The following PIWIL4 variants were observed in gnomAD, a reference collection of about 807,000 sequenced individuals.
PIWIL4 encodes the protein piwi like RNA-mediated gene silencing 4, also known as piwi-like protein 4.
Under a neutral mutation model 100.9 loss-of-function variants are expected in PIWIL4, and 50 were observed. The observed-to-expected ratio is 0.50, with a 90% CI of 0.39 to 0.63. The LOEUF (loss-of-function observed/expected upper bound fraction) is 0.63. Ranked by LOEUF, PIWIL4 falls within the 20% of genes least tolerant of loss-of-function variation. The pLI is 0.00. For synonymous variants in PIWIL4, 342 were observed against 367.5 expected (o/e 0.93, Z 0.79); for missense variants, 887 against 1,043.3 (o/e 0.85, Z 2.06).
chr11:94,605,505 G>A lies in PIWIL4; in HGVS notation c.1638+1449G>A, dbSNP rs573868488. On this transcript the variant is annotated intron_variant, in intron 13 of 19. Transcript: ENST00000299001. ...TGGTGGATTATGGTGACATCTGCCCGATTTCTCCACTGTAAAGTTAAGCTT... is the reference window on the plus strand; with the variant it reads ...TGGTGGATTATGGTGACATCTGCCCAATTTCTCCACTGTAAAGTTAAGCTT... Among the ~76,000 whole-genome samples the A allele has an allele frequency of 5.3e-5, 8 of 152,250 alleles. No homozygotes were observed. The East Asian group carries it at 1.2e-3, about 22-fold the overall frequency.
chr11:94,607,161 G>A (rs1948731720), intron 13 of PIWIL4, among the ~76,000 whole-genome samples: 1 of 152,110 alleles, frequency 6.6e-6, no homozygotes, highest in Non-Finnish European at 1.5e-5. Flanking sequence ...ATCAAATCAG[G>A]AGAGAAATGA....
intron 2 of PIWIL4, among the ~76,000 whole-genome samples, chr11:94,573,643 T>C (rs759319565): frequency 3.3e-5 from 5 of 152,232 alleles, no homozygotes; most frequent in Non-Finnish European, 7.3e-5. Context: ...TGAAGCCAAC[T>C]TGATCGTGGT....
intron 9 of PIWIL4, among the ~76,000 whole-genome samples, chr11:94,594,248 C>T (rs1948524087): frequency 6.6e-6 from 1 of 152,016 alleles, no homozygotes. Context: ...GGGCGGATCA[C>T]CTGAAGTCAG....
chr11:94,582,237 T>C (rs1175008808), intron 4 of PIWIL4, among the ~76,000 whole-genome samples: 1 of 152,114 alleles, frequency 6.6e-6, no homozygotes, highest in Non-Finnish European at 1.5e-5. Flanking sequence ...CTTTGTTGTC[T>C]TAATCCTTTG....
At chr11:94,575,618 C>T (rs966499151) in intron 3 of PIWIL4, among the ~76,000 whole-genome samples, 2 of 152,142 alleles carry the variant, frequency 1.3e-5, no homozygotes, top group Non-Finnish European at 2.9e-5. Flanking sequence ...CTCACTGATG[C>T]GGATCAGTGT....
intron 4 of PIWIL4, among the ~76,000 whole-genome samples, chr11:94,582,009 A>C (rs567166355): frequency 4.8e-4 from 73 of 152,270 alleles, no homozygotes; most frequent in African/African-American, 1.7e-3. Flanking sequence ...TGAATTGAGG[A>C]GGAGAAATGA....
chr11:94,612,351 T>C (rs555681713), intron 15 of PIWIL4, among the ~76,000 whole-genome samples: 1 of 151,220 alleles, frequency 6.6e-6, no homozygotes, highest in Non-Finnish European at 1.5e-5. Flanking sequence ...CTATTTTGCC[T>C]AAGTTTAGCT....
At chr11:94,615,109 C>T (rs893551753) in intron 15 of PIWIL4, among the ~76,000 whole-genome samples, 5 of 152,138 alleles carry the variant, frequency 3.3e-5, no homozygotes, top group South Asian at 2.1e-4. Context: ...AGGAGGGCCT[C>T]TTGATGAAGC....
intron 15 of PIWIL4, among the ~76,000 whole-genome samples, chr11:94,615,645 G>C (rs1284526364): frequency 6.6e-6 from 1 of 152,090 alleles, no homozygotes; most frequent in Non-Finnish European, 1.5e-5. Flanking sequence ...AAAATGTTTA[G>C]AGATGGGGTC....
intron 16 of PIWIL4, 99 bp downstream of exon 16, chr11:94,616,662 T>A (rs1948850884): frequency 1.2e-6 from 1 of 862,368 alleles, no homozygotes; most frequent in African/African-American, 1.7e-5. Flanking sequence ...GAGCAAACTC[T>A]CTACACCTGT....
rs747502021 is a variant in PIWIL4, at chr11:94,598,057, C to A, written c.1380+142C>A. 25 of 624,764 alleles carry A rather than the reference C, an allele frequency of 4.0e-5. No homozygotes were observed. The East Asian group carries it at 4.8e-4, about 12-fold the overall frequency. 38.7% of individuals were successfully genotyped at this position (624,764 alleles called of 1,614,324 possible). ...TCTCTTTATCCTAAGACTTCAGATC[C>A]CCTGTGGTTTCCTTTTCAATCTGAA... On this transcript the variant is annotated intron_variant, in intron 11 of 19. Transcript: ENST00000299001.
At position 94,593,789 on chromosome 11, in the gene PIWIL4, T is replaced by C. The variant is rs180966150; in HGVS notation, c.1150+148T>C. On this transcript the variant is annotated intron_variant, in intron 9 of 19. Coordinates refer to ENST00000299001, the MANE Select transcript of PIWIL4 (RefSeq NM_152431.3). ...TCCTTTTAAGTAATTTATTCAATAA[T>C]AGAGACATGTTGGGGGAATCGATTC... is the stretch of plus-strand genomic sequence containing the variant. The C allele has an allele frequency of 1.8e-4, 156 of 868,892 alleles. No individual in the cohort carries two copies. In the African/African-American group the frequency reaches 2.5e-3, roughly 14 times the overall value. The allele number at this position is 868,892 out of a possible 1,614,324, so 53.8% of individuals were successfully genotyped here.
intron 1 of PIWIL4, among the ~76,000 whole-genome samples, chr11:94,568,262 A>C (rs1948103525): frequency 6.6e-6 from 1 of 152,176 alleles, no homozygotes; most frequent in African/African-American, 2.4e-5. Flanking sequence ...AAAGAGAAGT[A>C]GTTACTATGA....
In PIWIL4 at chr11:94,583,486, T is replaced by G. The variant is rs1591782762; in HGVS notation, c.552T>G (p.Thr184=). Residue 184 remains threonine, a synonymous_variant, in exon 5 of 20, where the codon ACT becomes ACG. Coordinates refer to ENST00000299001, the MANE Select transcript of PIWIL4 (RefSeq NM_152431.3). ...CAAGTGAAACTCAAAGAGGTGAGAC[T>G]ATAAAGATGACTATCACCCTGAAGA... ...ELSSETQRGE[T]IKMTITLKRE... The G allele has an allele frequency of 1.2e-6, 2 of 1,613,888 alleles. No homozygotes were observed. The highest frequency in any genetic ancestry group is 1.7e-6 in the Non-Finnish European group (2 of 1,179,766).
rs1225805987 is a variant in PIWIL4, at chr11:94,601,942, G to T, written c.1528G>T (p.Ala510Ser). 3 of 1,612,740 alleles carry T rather than the reference G, an allele frequency of 1.9e-6. No homozygotes were observed. The African/African-American group carries it at 4.0e-5, about 22-fold the overall frequency. The change falls in exon 12 of 20, where the codon GCA becomes TCA. Residue 510 changes from alanine (A) to serine (S), a missense_variant. This residue lies in a region of PIWIL4 where 741 missense variants were observed against 930.0 expected (regional missense o/e 0.80). Coordinates refer to ENST00000299001, the MANE Select transcript of PIWIL4 (RefSeq NM_152431.3). ...CTTTCTGAACTGCTTGAGAAGAGTT[G>T]CAGGTTCCATGGGATTTAATGTGGA... ...ESFLNCLRRV[A>S]GSMGFNVDYP...
intron 2 of PIWIL4, 56 bp from the exon 3 acceptor site, chr11:94,574,943 A>T: frequency 6.4e-7 from 1 of 1,553,034 alleles, no homozygotes. Flanking sequence ...TAGTAGTTGC[A>T]AACAGTATCA....
intron 15 of PIWIL4, among the ~76,000 whole-genome samples, chr11:94,611,532 TGATA>T (rs1948787024): frequency 6.6e-6 from 1 of 150,906 alleles, no homozygotes; most frequent in African/African-American, 2.5e-5. Context: ...TAAGCTTGAT[TGATA>T]TAGTTTGTTC....
chr11:94,585,547 G>T (rs757567054), intron 6 of PIWIL4, 22 bp downstream of exon 6: 1 of 1,536,230 alleles, frequency 6.5e-7, no homozygotes, highest in South Asian at 1.2e-5. Flanking sequence ...TATATTTTCT[G>T]TTACTCCGAA....
rs35885673 is a variant in PIWIL4 at position 94,601,871 on chromosome 11, C to A, written c.1457C>A (p.Thr486Asn). 7.4e-3 allele frequency: 11,866 copies of A among 1,613,960 alleles called. 273 individuals are homozygous for A. The African/African-American group carries it at 0.08, about 11-fold the overall frequency. Residue 486 changes from threonine (T) to asparagine (N), a missense_variant, in exon 12 of 20, where the codon ACC becomes AAC. Around this residue, in one of 2 missense-constraint regions of PIWIL4, gnomAD observed 741 missense variants for 930.0 expected, o/e 0.80. Coordinates refer to ENST00000299001, the MANE Select transcript of PIWIL4 (RefSeq NM_152431.3). ...CKILNAQSLN[T>N]WLILCSDRTE... ...ATTTTAAATGCACAGTCTTTGAATA[C>A]CTGGTTGATTTTATGTAGCGACAGA...
Sources: allele counts gnomAD v4.1 joint callset (sites outside exome capture counted in the v4.1 genomes callset), GRCh38; gene constraint gnomAD v4.1.1; regional missense constraint gnomAD v4.1.1; transcripts MANE v1.5; gene names NCBI Gene and HGNC (gene_info 2026-07-23, HGNC 2026-07-21).